PPP3R1: variants seen among roughly 807,000 people sequenced by gnomAD.
PPP3R1 encodes the protein calcineurin subunit B type 1.
In PPP3R1, 5 loss-of-function variants were observed where a neutral mutation model predicts 22.6. The ratio of observed to expected loss-of-function variants is 0.22; its 90% confidence interval spans 0.12 to 0.46. The LOEUF is 0.46. Among genes scored for constraint, PPP3R1 ranks in the 20% least tolerant of loss-of-function variants. The pLI is 0.99. For missense variants in PPP3R1, 61 were observed against 203.2 expected, an observed-to-expected ratio of 0.30 and a Z score of 4.25; for synonymous variants, 56 against 65.2, an observed-to-expected ratio of 0.86 and a Z score of 0.68.
chr2:68,211,959 C>T (rs1669495181), intron 2 of PPP3R1, among the ~76,000 whole-genome samples: 1 of 152,318 alleles, frequency 6.6e-6, no homozygotes, highest in Admixed American at 6.5e-5. Context: ...CTGAACCCCT[C>T]AAAATCACTC....
At chr2:68,190,007 A>G (rs1449476189) in intron 2 of PPP3R1, among the ~76,000 whole-genome samples, 1 of 151,998 alleles carries the variant, frequency 6.6e-6, no homozygotes, top group Non-Finnish European at 1.5e-5. Context: ...AGCTGTTTTG[A>G]CAGCTTAAAT....
chr2:68,209,117 G>C (rs1669409318), intron 2 of PPP3R1, among the ~76,000 whole-genome samples: 1 of 150,826 alleles, frequency 6.6e-6, no homozygotes, highest in Non-Finnish European at 1.5e-5. Context: ...CCAGCACTTT[G>C]GGAGGCCGAG....
chr2:68,188,796 G>T (rs1405033186), intron 2 of PPP3R1, 106 bp from the exon 3 acceptor site: 2 of 919,228 alleles, frequency 2.2e-6, no homozygotes, highest in Non-Finnish European at 3.1e-6. Flanking sequence ...GTTATAGGGG[G>T]GAAAAAAAAT....
intron 1 of PPP3R1, among the ~76,000 whole-genome samples, chr2:68,225,123 C>T (rs780550219): frequency 2.0e-5 from 3 of 152,154 alleles, no homozygotes; most frequent in Non-Finnish European, 2.9e-5. Flanking sequence ...ATTCTGAACC[C>T]CTTGTATACA....
chr2:68,235,066 A>G (rs1029027999), intron 1 of PPP3R1, among the ~76,000 whole-genome samples: 2 of 152,214 alleles, frequency 1.3e-5, no homozygotes, highest in African/African-American at 4.8e-5. Flanking sequence ...TGAATGAAAA[A>G]TTGAGTAACG....
At chr2:68,202,423 TG>T (rs1258169084) in intron 2 of PPP3R1, among the ~76,000 whole-genome samples, 2 of 144,728 alleles carry the variant, frequency 1.4e-5, no homozygotes, top group African/African-American at 5.1e-5. Flanking sequence ...TTGTTGTTGT[TG>T]TTGTTGTTGT....
chr2:68,229,198 G>C (rs549058988), intron 1 of PPP3R1, among the ~76,000 whole-genome samples: 10 of 151,164 alleles, frequency 6.6e-5, no homozygotes, highest in African/African-American at 2.4e-4. Flanking sequence ...TTTTCATGGA[G>C]ACTGAGTCTT....
At chr2:68,193,582 T>A (rs575905289) in intron 2 of PPP3R1, among the ~76,000 whole-genome samples, 1 of 152,170 alleles carries the variant, frequency 6.6e-6, no homozygotes, top group Non-Finnish European at 1.5e-5. Flanking sequence ...GAACAAATGG[T>A]AAATATAGTT....
chr2:68,252,071 C>T, intron 1 of PPP3R1, 54 bp downstream of exon 1: 2 of 1,380,210 alleles, frequency 1.4e-6, no homozygotes, highest in East Asian at 3.3e-5. Flanking sequence ...CGCACCCGAC[C>T]CGGACGGCGG....
intron 2 of PPP3R1, among the ~76,000 whole-genome samples, chr2:68,196,956 C>G (rs776546908): frequency 1.3e-5 from 2 of 152,154 alleles, no homozygotes; most frequent in African/African-American, 2.4e-5. Context: ...AACTTCTGAC[C>G]TCAGGTGATC....
intron 2 of PPP3R1, among the ~76,000 whole-genome samples, chr2:68,214,618 C>T (rs1391798357): frequency 1.3e-5 from 2 of 152,010 alleles, no homozygotes; most frequent in Non-Finnish European, 2.9e-5. Context: ...ATTACTAAAA[C>T]ATCTAAAAAT....
At chr2:68,215,678 T>G (rs188281461) in intron 2 of PPP3R1, among the ~76,000 whole-genome samples, 1 of 152,268 alleles carries the variant, frequency 6.6e-6, no homozygotes, top group East Asian at 1.9e-4. Context: ...TTGAATACCT[T>G]TGGTAATATA....
intron 2 of PPP3R1, among the ~76,000 whole-genome samples, chr2:68,211,158 G>A (rs935687897): frequency 1.3e-5 from 2 of 152,150 alleles, no homozygotes; most frequent in African/African-American, 2.4e-5. Context: ...TGTAATCCCA[G>A]CACTTTGGGA....
intron 1 of PPP3R1, among the ~76,000 whole-genome samples, chr2:68,229,707 C>T (rs933886313): frequency 6.6e-6 from 1 of 151,990 alleles, no homozygotes; most frequent in Non-Finnish European, 1.5e-5. Flanking sequence ...TATAACCATA[C>T]CTGCTTTCTT....
intron 2 of PPP3R1, among the ~76,000 whole-genome samples, chr2:68,200,302 C>T (rs1304143390): frequency 6.6e-6 from 1 of 152,102 alleles, no homozygotes; most frequent in Non-Finnish European, 1.5e-5. Context: ...CTAGATTGCT[C>T]CTTCAAAATA....
chr2:68,210,253 T>G (rs1669453288), intron 2 of PPP3R1, among the ~76,000 whole-genome samples: 1 of 152,206 alleles, frequency 6.6e-6, no homozygotes, highest in Non-Finnish European at 1.5e-5. Flanking sequence ...AAGATCTTAT[T>G]ATTTCTCTCA....
At position 68,210,571 on chromosome 2, in the gene PPP3R1, A is replaced by G. The variant is rs574151616; in HGVS notation, c.43+6521T>C. Among the ~76,000 whole-genome samples, 15 of 152,326 alleles carry G rather than the reference A, an allele frequency of 9.8e-5. No homozygotes were observed. In the South Asian group the frequency reaches 3.1e-3, roughly 32 times the overall value. On this transcript the variant is annotated intron_variant, in intron 2 of 5. Transcript: ENST00000234310. ...ACCAATCTAGATTTCCATTACTTTG[A>G]AAGTGTGCAGACTACAGCATTCCTG...
At chr2:68,211,133 G>A (rs542845431) in intron 2 of PPP3R1, among the ~76,000 whole-genome samples, 26 of 152,176 alleles carry the variant, frequency 1.7e-4, no homozygotes, top group African/African-American at 4.3e-4. Context: ...GCGGCTGGGC[G>A]CGGTGGCTCA....
intron 1 of PPP3R1, among the ~76,000 whole-genome samples, chr2:68,242,434 A>G (rs375196877): frequency 7.9e-5 from 12 of 152,266 alleles, no homozygotes; most frequent in East Asian, 5.8e-4. Context: ...TAAAAAAAAA[A>G]AAAAGAAAAG....
Sources: gnomAD v4.1 joint callset for allele counts (sites outside exome capture counted in the v4.1 genomes callset) on GRCh38, gnomAD v4.1.1 for gene constraint, MANE v1.5 for transcripts, NCBI Gene and HGNC (gene_info 2026-07-23, HGNC 2026-07-21) for gene names.